The following SACM1L variants were observed in gnomAD, a reference collection of about 807,000 sequenced individuals.
The protein encoded by SACM1L is phosphatidylinositol-3-phosphatase SAC1.
Under a neutral mutation model 89.5 loss-of-function variants are expected in SACM1L, and 32 were observed. The observed-to-expected ratio is 0.36, with a 90% confidence interval of 0.27 to 0.48. The LOEUF (loss-of-function observed/expected upper bound fraction) is 0.48. Among genes scored for constraint, SACM1L ranks in the 20% least tolerant of loss-of-function variants. The pLI is 0.99. For synonymous variants in SACM1L, 213 were observed against 232.8 expected, an observed-to-expected ratio of 0.92 and a Z score of 0.77; for missense variants, 543 against 708.5, an observed-to-expected ratio of 0.77 and a Z score of 2.65.
intron 4 of SACM1L, 81 bp from the exon 5 acceptor site, chr3:45,709,417 C>A: frequency 7.8e-7 from 1 of 1,283,820 alleles, no homozygotes; most frequent in Non-Finnish European, 1.1e-6. Flanking sequence ...CTGGACTTAA[C>A]AGGATTTAAT....
At chr3:45,715,690 C>T (rs1329973616) in intron 7 of SACM1L, among the ~76,000 whole-genome samples, 2 of 151,626 alleles carry the variant, frequency 1.3e-5, no homozygotes, top group Non-Finnish European at 2.9e-5. Context: ...AGGAATATTG[C>T]TTGAACCCAG....
chr3:45,733,922 GTGT>G (rs1258907110), intron 13 of SACM1L, among the ~76,000 whole-genome samples: 1 of 152,132 alleles, frequency 6.6e-6, no homozygotes, highest in Non-Finnish European at 1.5e-5. Flanking sequence ...ACCACACTGT[GTGT>G]TGTCAGATTT....
intron 19 of SACM1L, among the ~76,000 whole-genome samples, chr3:45,741,968 TCCTCTG>T (rs1247805811): frequency 6.6e-6 from 1 of 152,218 alleles, no homozygotes; most frequent in Admixed American, 6.5e-5. Context: ...CCTCTCTGGG[TCCTCTG>T]CCTTCTTTCC....
chr3:45,699,696 AT>A (rs1698222245), intron 1 of SACM1L, among the ~76,000 whole-genome samples: 1 of 152,006 alleles, frequency 6.6e-6, no homozygotes, highest in Admixed American at 6.6e-5. Context: ...TAATTTTTGT[AT>A]TTTTAGTAGA....
chr3:45,722,757 G>A (rs1208484004), intron 9 of SACM1L, 112 bp from the exon 10 acceptor site: 2 of 681,338 alleles, frequency 2.9e-6, no homozygotes, highest in Non-Finnish European at 4.9e-6. Flanking sequence ...TCGGTAGATT[G>A]TATTAGTTTT....
chr3:45,710,368 T>C (rs1698497693), intron 5 of SACM1L, among the ~76,000 whole-genome samples: 1 of 151,960 alleles, frequency 6.6e-6, no homozygotes, highest in African/African-American at 2.4e-5. Context: ...GCTTGGCTAG[T>C]TTTTAGTAGA....
chr3:45,696,599 T>C (rs1187435625), intron 1 of SACM1L, among the ~76,000 whole-genome samples: 1 of 152,150 alleles, frequency 6.6e-6, no homozygotes, highest in Non-Finnish European at 1.5e-5. Flanking sequence ...GCACCAGGAT[T>C]CCAGTGTCTC....
chr3:45,721,391 G>A (rs13086609), intron 8 of SACM1L, among the ~76,000 whole-genome samples: 1 of 151,948 alleles, frequency 6.6e-6, no homozygotes, highest in Non-Finnish European at 1.5e-5. Context: ...GCGTGGTGGC[G>A]CATGCCTGTA....
chr3:45,711,572 A>T (rs1353315270), intron 5 of SACM1L, among the ~76,000 whole-genome samples: 2 of 152,044 alleles, frequency 1.3e-5, no homozygotes, highest in Non-Finnish European at 2.9e-5. Flanking sequence ...GTGTGCTGTC[A>T]TCACGCCACT....
chr3:45,735,111 T>G (rs1174110183), intron 13 of SACM1L, 124 bp from the exon 14 acceptor site: 1 of 950,602 alleles, frequency 1.1e-6, no homozygotes, highest in Non-Finnish European at 1.5e-6. Context: ...CACACATTCC[T>G]GTCTGACCTT....
chr3:45,739,772 C>T lies in SACM1L; in HGVS notation c.1627+128C>T, dbSNP rs915280410. The stretch of plus-strand genomic sequence containing the variant: ...AATTTAATGGGTAAAGTGGATGTGA[C>T]ATTAGATTGTCATTAGATGTGACAG... On this transcript the variant is annotated intron_variant, in intron 19 of 19. Transcript: ENST00000389061. 12 of 843,948 alleles carry T rather than the reference C, an allele frequency of 1.4e-5. No individual in the cohort carries two copies. In the African/African-American group the frequency reaches 1.7e-4, roughly 12 times the overall value. The allele number at this position is 843,948 out of a possible 1,614,324, so 52.3% of individuals were successfully genotyped here.
At chr3:45,739,243 C>CAGA (rs1699266309) in intron 18 of SACM1L, among the ~76,000 whole-genome samples, 1 of 152,160 alleles carries the variant, frequency 6.6e-6, no homozygotes, top group African/African-American at 2.4e-5. Flanking sequence ...GTTCACCAGA[C>CAGA]CCTGCAAGAG....
rs1036862701 is a variant in SACM1L at position 45,744,713 on chromosome 3, G to T, written c.*1044G>T. On this transcript the variant is annotated 3_prime_UTR_variant, in exon 20 of 20. Transcript: ENST00000389061. ...GACCAACTTAAACGTTAATTTTTGT[G>T]CAAAAACAAACCTGAAAAATATGCT... The T allele has an allele frequency of 5.2e-5, 8 of 152,616 alleles. No homozygotes were observed. The highest frequency in any genetic ancestry group is 1.7e-4 in the African/African-American group (7 of 41,440). 9.5% of individuals were successfully genotyped at this position (152,616 alleles called of 1,614,324 possible).
At chr3:45,733,085 A>G (rs1481955425) in intron 13 of SACM1L, among the ~76,000 whole-genome samples, 1 of 152,228 alleles carries the variant, frequency 6.6e-6, no homozygotes, top group Non-Finnish European at 1.5e-5. Flanking sequence ...TGGCCCTGGC[A>G]TGTTGTTGGA....
chr3:45,715,542 A>T (rs1698631999), intron 7 of SACM1L, among the ~76,000 whole-genome samples: 1 of 152,110 alleles, frequency 6.6e-6, no homozygotes, highest in African/African-American at 2.4e-5. Flanking sequence ...TTGGGAGGCC[A>T]AGGCCGGCAG....
chr3:45,697,563 A>G (rs1244649895), intron 1 of SACM1L, among the ~76,000 whole-genome samples: 1 of 152,128 alleles, frequency 6.6e-6, no homozygotes, highest in Non-Finnish European at 1.5e-5. Flanking sequence ...AGGCATGAGC[A>G]CTGTATCCAA....
chr3:45,705,301 T>C (rs1469344588), intron 3 of SACM1L, 92 bp downstream of exon 3: 2 of 714,396 alleles, frequency 2.8e-6, no homozygotes, highest in Admixed American at 2.4e-5. Context: ...GAAGTAATAC[T>C]TTGTATCATG....
chr3:45,728,073 G>A (rs896100915), intron 11 of SACM1L, among the ~76,000 whole-genome samples: 1 of 152,142 alleles, frequency 6.6e-6, no homozygotes, highest in East Asian at 1.9e-4. Flanking sequence ...GTTTCACTTA[G>A]AGTGTATTTT....
intron 7 of SACM1L, among the ~76,000 whole-genome samples, chr3:45,715,243 A>G (rs923922172): frequency 1.4e-4 from 22 of 152,238 alleles, no homozygotes; most frequent in African/African-American, 5.3e-4. Flanking sequence ...GATGACATCT[A>G]TCAAGCACAT....
Sources: allele counts gnomAD v4.1 joint callset (sites outside exome capture counted in the v4.1 genomes callset), GRCh38; gene constraint gnomAD v4.1.1; transcripts MANE v1.5; gene names NCBI Gene and HGNC (gene_info 2026-07-23, HGNC 2026-07-21).